Variants in MYH13 observed in about 807,000 individuals in gnomAD.
The protein encoded by MYH13 is myosin heavy chain 13.
In MYH13, 177 loss-of-function variants were observed where a neutral mutation model predicts 232.1. The ratio of observed to expected loss-of-function variants is 0.76; its 90% CI spans 0.67 to 0.86. The LOEUF (loss-of-function observed/expected upper bound fraction) is 0.86. MYH13 is among the 40% of genes least tolerant of loss of function. The pLI, the probability that MYH13 is intolerant of heterozygous loss-of-function variation, is 0.00. For synonymous variants in MYH13, 884 were observed against 923.5 expected, an observed-to-expected ratio of 0.96 and a Z score of 0.78; for missense variants, 2,246 against 2,405.9, an observed-to-expected ratio of 0.93 and a Z score of 1.39.
chr17:10,331,974 C>A (rs1907420289), intron 20 of MYH13, 125 bp downstream of exon 20: 7 of 1,233,354 alleles, frequency 5.7e-6, no homozygotes, highest in Non-Finnish European at 7.9e-6. Flanking sequence ...GCTCCCCTTA[C>A]CTGGGCGACT....
intron 33 of MYH13, among the ~76,000 whole-genome samples, chr17:10,310,100 T>C (rs1169696894): frequency 1.3e-5 from 2 of 150,650 alleles, no homozygotes; most frequent in African/African-American, 2.4e-5. Context: ...TTGTGTTTTT[T>C]TTTTTTTTTG....
intron 23 of MYH13, 69 bp from the exon 24 acceptor site, chr17:10,321,777 T>C: frequency 7.2e-7 from 1 of 1,383,594 alleles, no homozygotes; most frequent in Non-Finnish European, 9.8e-7. Flanking sequence ...ACAAAAGCTA[T>C]TGCTTCTTTG....
At chr17:10,360,214 A>G (rs1365549248) in intron 5 of MYH13, 26 bp from the exon 6 acceptor site, 5 of 1,608,324 alleles carry the variant, frequency 3.1e-6, no homozygotes, top group Non-Finnish European at 4.2e-6. Flanking sequence ...GAAGCAAAAC[A>G]AAACAAATAA....
rs552289694 is a variant in MYH13 at position 10,345,696 on chromosome 17, G to A, written c.1264-80C>T. 297 of 1,608,962 alleles carry A rather than the reference G, an allele frequency of 1.8e-4. No individual in the cohort carries two copies. The African/African-American group carries it at 3.2e-3, about 17-fold the overall frequency. On this transcript the variant is annotated intron_variant, in intron 13 of 40. Coordinates refer to ENST00000252172, the MANE Select transcript of MYH13 (RefSeq NM_003802.3). ...AAGTTGAAACATATGAAATTGACTC[G>A]AAAATCAAAAGCTGTTGGCTAGGCG...
rs768058782 is a variant in MYH13 at position 10,321,631 on chromosome 17, CT to C, written c.3011del (p.Gln1004ArgfsTer21). On this transcript the variant is annotated frameshift_variant, in exon 24 of 41. Transcript: ENST00000252172. LOFTEE classifies it high-confidence loss of function. ...SKLTKEKKSL[Q>X]EAHQQTLDDL... ...CATCCAGTGTTTGCTGATGGGCCTC[CT>C]GTAGAGATTTCTTTTCTTTGGTCAA... 1 of 1,613,616 alleles carries C rather than the reference CT, an allele frequency of 6.2e-7. No homozygotes were observed. Among genetic ancestry groups the C allele is most frequent in the Non-Finnish European group, 8.5e-7 (1 of 1,179,572 alleles).
chr17:10,352,406 A>G (rs1486471085), intron 11 of MYH13, among the ~76,000 whole-genome samples: 1 of 152,142 alleles, frequency 6.6e-6, no homozygotes, highest in African/African-American at 2.4e-5. Flanking sequence ...CCTGGCCAAC[A>G]TGGGGAAACC....
In MYH13 at chr17:10,303,261, G is replaced by C; in HGVS notation, c.5602C>G (p.Leu1868Val). Reference protein sequence around the residue: ...AEEDHKNILRLQDLVDKLQAK... With the variant: ...AEEDHKNILRVQDLVDKLQAK... ...TGCAGCTTGTCCACCAGGTCCTGGA[G>C]CCTAAGGATATTCTTGTGGTCCTCC... The change falls in exon 39 of 41, where the codon CTC (leucine) becomes GTC (valine). Residue 1868 changes from leucine (L) to valine (V), a missense_variant. By Grantham distance (32) the Leu-to-Val change is conservative. Coordinates refer to ENST00000252172, the MANE Select transcript of MYH13 (RefSeq NM_003802.3). 5 of 1,613,796 alleles carry C rather than the reference G, an allele frequency of 3.1e-6. No homozygotes were observed. The highest frequency in any genetic ancestry group is 4.2e-6 in the Non-Finnish European group (5 of 1,179,830).
rs547717899 is a variant in MYH13, at chr17:10,333,214, G to T, written c.2057-23C>A. 4.6e-5 allele frequency: 68 copies of T among 1,484,796 alleles called. No homozygotes were observed. In the South Asian group the frequency reaches 5.4e-4, roughly 12 times the overall value. The allele number at this position is 1,484,796 out of a possible 1,614,324, so 92.0% of individuals were successfully genotyped here. On this transcript the variant is annotated intron_variant, in intron 18 of 40. Transcript: ENST00000252172. ...CACCTGGAGAGAGAACGTCCCGGGG[G>T]TGTGCCTGTGACCCCTTCATTTGTT... is the stretch of plus-strand genomic sequence containing the variant.
rs562459703 is a variant in MYH13 at position 10,314,815 on chromosome 17, A to G, written c.3984+878T>C. ...TGTGCACTGTTCTGCTAGGCACAGT[A>G]GGTACAGTGGGGACAAACTATTCTT... On this transcript the variant is annotated intron_variant, in intron 29 of 40. Transcript: ENST00000252172. 3.3e-5 allele frequency among the ~76,000 whole-genome samples: 5 copies of G among 152,368 alleles called. No individual in the cohort carries two copies. The East Asian group carries it at 9.6e-4, about 29-fold the overall frequency.
At chr17:10,353,972 AG>A (rs2071730293) in intron 11 of MYH13, among the ~76,000 whole-genome samples, 1 of 133,096 alleles carries the variant, frequency 7.5e-6, no homozygotes, top group Non-Finnish European at 1.7e-5. Flanking sequence ...AGGAAGGGAA[AG>A]ACTCTGTCAT....
chr17:10,350,414 C>T, intron 12 of MYH13, 142 bp downstream of exon 12: 1 of 1,213,356 alleles, frequency 8.2e-7, no homozygotes, highest in Non-Finnish European at 1.1e-6. Context: ...GTGCATGCTA[C>T]AATGAGCTTC....
At chr17:10,356,405 G>A (rs2071749470) in intron 8 of MYH13, among the ~76,000 whole-genome samples, 1 of 152,226 alleles carries the variant, frequency 6.6e-6, no homozygotes, top group African/African-American at 2.4e-5. Flanking sequence ...AGAGGCCCAT[G>A]AACTAAGTAA....
At chr17:10,367,739 A>T (rs1346287537) in intron 2 of MYH13, among the ~76,000 whole-genome samples, 3 of 152,200 alleles carry the variant, frequency 2.0e-5, no homozygotes, top group Non-Finnish European at 4.4e-5. Flanking sequence ...AAATCTCTTT[A>T]ATGTCTCCTT....
chr17:10,370,989 T>C (rs73977151), intron 2 of MYH13, among the ~76,000 whole-genome samples: 4,071 of 152,312 alleles, frequency 0.027, 196 homozygotes, highest in African/African-American at 0.089. Context: ...TTCTGCATTA[T>C]ATTTCGTACA....
chr17:10,355,542 A>G (rs532541843), intron 8 of MYH13, among the ~76,000 whole-genome samples: 3 of 152,314 alleles, frequency 2.0e-5, no homozygotes, highest in African/African-American at 7.2e-5. Flanking sequence ...ATTGGCCACC[A>G]TGACCTCTCC....
intron 39 of MYH13, among the ~76,000 whole-genome samples, chr17:10,302,084 C>CT (rs2142212811): frequency 1.3e-5 from 2 of 152,310 alleles, no homozygotes; most frequent in African/African-American, 4.8e-5. Flanking sequence ...CACCATCTGT[C>CT]TAAGGCCAGG....
chr17:10,303,774 G>A (rs541971896), intron 37 of MYH13, among the ~76,000 whole-genome samples: 30 of 152,272 alleles, frequency 2.0e-4, no homozygotes, highest in African/African-American at 6.7e-4. Flanking sequence ...CCAATATTGG[G>A]TATATTCCCA....
chr17:10,330,453 GTCATCAGC>G lies in MYH13; in HGVS notation c.2361_2368del (p.Leu788LysfsTer71). The stretch of plus-strand genomic sequence containing the variant: ...CCCCCTGCACACCGCCTGCGTGCTT[GTCATCAGC>G]GTCACCAGCTTCTCATCTCTCATCT... On this transcript the variant is annotated frameshift_variant, in exon 21 of 41. Coordinates refer to ENST00000252172, the MANE Select transcript of MYH13 (RefSeq NM_003802.3). LOFTEE classifies it high-confidence loss of function. The G allele has an allele frequency of 6.2e-7, 1 of 1,613,166 alleles. No homozygotes were observed. Among genetic ancestry groups the G allele is most frequent in the Non-Finnish European group, 8.5e-7 (1 of 1,179,746 alleles).
In MYH13 at chr17:10,315,796, CGGT is replaced by C. The variant is rs1567658165; in HGVS notation, c.3878_3880del (p.His1293del). 1 of 1,613,868 alleles carries C rather than the reference CGGT, an allele frequency of 6.2e-7. No homozygotes were observed. The highest frequency in any genetic ancestry group is 8.5e-7 in the Non-Finnish European group (1 of 1,179,846). ...AATCAGAGACTCCTTCTCTTCCACT[CGGT>C]GGCTCAGCTCCCCTACCAAACAGAT... On this transcript the variant is annotated inframe_deletion, in exon 29 of 41. Coordinates refer to ENST00000252172, the MANE Select transcript of MYH13 (RefSeq NM_003802.3).
Sources: allele counts gnomAD v4.1 joint callset (sites outside exome capture counted in the v4.1 genomes callset), GRCh38; gene constraint gnomAD v4.1.1; transcripts MANE v1.5; gene names NCBI Gene and HGNC (gene_info 2026-07-23, HGNC 2026-07-21).